PRKCQ: variants seen among roughly 807,000 people sequenced by gnomAD.
The protein encoded by PRKCQ is protein kinase C theta.
In PRKCQ, 41 loss-of-function variants were observed where a neutral mutation model predicts 91.2. That is an observed-to-expected ratio of 0.45 (90% CI 0.35 to 0.58). The LOEUF is 0.58. PRKCQ is among the 20% of genes least tolerant of loss of function. The probability of loss-of-function intolerance (pLI) is 0.00; values close to 1 mark genes in which losing one functional copy is unlikely to be tolerated. For synonymous variants in PRKCQ, 307 were observed against 316.9 expected, an observed-to-expected ratio of 0.97 and a Z score of 0.33; for missense variants, 673 against 896.5, an observed-to-expected ratio of 0.75 and a Z score of 3.18.
intron 15 of PRKCQ, among the ~76,000 whole-genome samples, chr10:6,443,875 T>G (rs1434990041): frequency 6.6e-6 from 1 of 152,140 alleles, no homozygotes; most frequent in Non-Finnish European, 1.5e-5. Context: ...TGCCCTTACT[T>G]TCAGTGACAA....
chr10:6,571,881 C>A (rs528493378), intron 1 of PRKCQ, among the ~76,000 whole-genome samples: 5 of 152,308 alleles, frequency 3.3e-5, no homozygotes, highest in African/African-American at 1.2e-4. Context: ...CTTCCCTAAA[C>A]AGCCACCTAA....
chr10:6,437,573 G>A (rs182399420), intron 16 of PRKCQ, among the ~76,000 whole-genome samples: 1 of 152,320 alleles, frequency 6.6e-6, no homozygotes, highest in East Asian at 1.9e-4. Flanking sequence ...TACAAATGTA[G>A]CAATTGTAAT....
intron 15 of PRKCQ, among the ~76,000 whole-genome samples, chr10:6,446,838 C>G (rs12267924): frequency 6.6e-6 from 1 of 152,150 alleles, no homozygotes; most frequent in Admixed American, 6.5e-5. Context: ...CAAGGAAACC[C>G]GGGAAAGCAG....
In PRKCQ at chr10:6,497,174, T is replaced by C. The variant is rs1837668942; in HGVS notation, c.574+46A>G. 1.2e-6 allele frequency: 2 copies of C among 1,614,002 alleles called. No homozygotes were observed. The highest frequency in any genetic ancestry group is 1.7e-6 in the Non-Finnish European group (2 of 1,179,890). ...AGATTTTCATAGCCTAAGGAATAAC[T>C]AAATAAAAAGAATGATGGTAATGCA... is the stretch of plus-strand genomic sequence containing the variant. On this transcript the variant is annotated intron_variant, in intron 6 of 17. Transcript: ENST00000263125. The surrounding 1 kb of genome is among the most constrained non-coding windows in gnomAD (Gnocchi z 4.5).
At chr10:6,472,529 G>T (rs1488830986) in intron 12 of PRKCQ, among the ~76,000 whole-genome samples, 1 of 152,190 alleles carries the variant, frequency 6.6e-6, no homozygotes, top group Non-Finnish European at 1.5e-5. Context: ...ACATTTAAAA[G>T]GTGTTAGAAT....
At chr10:6,448,487 C>A (rs34851049) in intron 15 of PRKCQ, among the ~76,000 whole-genome samples, 51,922 of 151,608 alleles carry the variant, frequency 0.34, 9,105 homozygotes, top group East Asian at 0.48. Flanking sequence ...CGGCTCACTG[C>A]AACCTCCGCC....
Position 6,437,948 on chromosome 10 carries a change from C to T in PRKCQ, c.1836+3945G>A, listed in dbSNP as rs577430754. Among the ~76,000 whole-genome samples the T allele has an allele frequency of 3.9e-5, 6 of 152,250 alleles. No individual in the cohort carries two copies. The East Asian group carries it at 5.8e-4, about 15-fold the overall frequency. On this transcript the variant is annotated intron_variant, in intron 16 of 17. Transcript: ENST00000263125. ...GATTACAGGCGTGAGCCACCGTGCC[C>T]GGCTCCCACTAACTTATTTTTACTG...
At chr10:6,506,371 T>C (rs761316536) in intron 4 of PRKCQ, among the ~76,000 whole-genome samples, 16 of 152,326 alleles carry the variant, frequency 1.1e-4, no homozygotes, top group South Asian at 2.1e-4. Context: ...CCCCATACCA[T>C]TGGATTATTT....
In PRKCQ at chr10:6,442,228, C is replaced by A. The variant is rs553918523; in HGVS notation, c.1648-147G>T. ...CCCTGAAACCCATCTCTTGGGAAGCCAATGACTGGAGAGCAGTGTCTAAAC... is the reference window on the plus strand; with the variant it reads ...CCCTGAAACCCATCTCTTGGGAAGCAAATGACTGGAGAGCAGTGTCTAAAC... On this transcript the variant is annotated intron_variant, in intron 15 of 17. Coordinates refer to ENST00000263125, the MANE Select transcript of PRKCQ (RefSeq NM_006257.5). The A allele has an allele frequency of 1.7e-5, 13 of 763,774 alleles. No individual in the cohort carries two copies. In the East Asian group the frequency reaches 3.4e-4, roughly 20 times the overall value. 47.3% of individuals were successfully genotyped at this position (763,774 alleles called of 1,614,324 possible).
At chr10:6,539,081 C>A (rs1263311033) in intron 1 of PRKCQ, among the ~76,000 whole-genome samples, 1 of 152,126 alleles carries the variant, frequency 6.6e-6, no homozygotes, top group African/African-American at 2.4e-5. Flanking sequence ...AATGACATGA[C>A]TAAGTATTAA....
the PRKCQ span, among the ~76,000 whole-genome samples, chr10:6,406,961 C>T: frequency 2.0e-5 from 3 of 152,192 alleles, no homozygotes; most frequent in African/African-American, 7.2e-5. Context: ...TGAACGAATG[C>T]ACTTCGAATA....
At position 6,427,457 on chromosome 10, in the gene PRKCQ, C is replaced by G. The variant is rs1001113407; in HGVS notation, c.*750G>C. ...ATGGCAGTGAGTGACTGTGCCAATA[C>G]TGGAGTCTGCTGAGAATGGGTGGAT... On this transcript the variant is annotated 3_prime_UTR_variant, in exon 18 of 18. Transcript: ENST00000263125. 1.3e-5 allele frequency: 2 copies of G among 152,254 alleles called. No homozygotes were observed. The highest frequency in any genetic ancestry group is 2.4e-5 in the African/African-American group (1 of 41,438). 9.4% of individuals were successfully genotyped at this position (152,254 alleles called of 1,614,324 possible).
At chr10:6,417,284 A>G in the PRKCQ span, among the ~76,000 whole-genome samples, 1 of 152,194 alleles carries the variant, frequency 6.6e-6, no homozygotes, top group Non-Finnish European at 1.5e-5. Flanking sequence ...AAATTTGAGT[A>G]GGCTTTGCTG....
At chr10:6,549,386 A>C (rs1840093390) in intron 1 of PRKCQ, among the ~76,000 whole-genome samples, 1 of 152,156 alleles carries the variant, frequency 6.6e-6, no homozygotes, top group Non-Finnish European at 1.5e-5. Context: ...GACTGGACTA[A>C]AGCAAGAAGT....
chr10:6,412,560 A>C, the PRKCQ span, among the ~76,000 whole-genome samples: 1 of 152,256 alleles, frequency 6.6e-6, no homozygotes, highest in Admixed American at 6.5e-5. Context: ...TCAATAGATC[A>C]TAACAGGTGA....
chr10:6,489,298 T>G, intron 8 of PRKCQ: 2 of 470,876 alleles, frequency 4.2e-6, no homozygotes, highest in South Asian at 3.1e-5. Context: ...CTTTGCTCCT[T>G]AAAACTGTAG....
chr10:6,533,495 C>A (rs188679296), intron 1 of PRKCQ, among the ~76,000 whole-genome samples: 1 of 152,286 alleles, frequency 6.6e-6, no homozygotes, highest in Admixed American at 6.5e-5. Context: ...CTGTGCCTGG[C>A]CTGGGTTCAC....
At chr10:6,541,322 A>T (rs1312745025) in intron 1 of PRKCQ, among the ~76,000 whole-genome samples, 1 of 152,212 alleles carries the variant, frequency 6.6e-6, no homozygotes, top group Non-Finnish European at 1.5e-5. Context: ...GATCATTTTG[A>T]TTCTGCATTC....
chr10:6,507,867 C>T (rs973459481), intron 3 of PRKCQ, among the ~76,000 whole-genome samples: 5 of 152,184 alleles, frequency 3.3e-5, no homozygotes, highest in Non-Finnish European at 5.9e-5. Context: ...GGACTGGCTT[C>T]CTTGGGGAAA....
Sources: allele counts gnomAD v4.1 joint callset (sites outside exome capture counted in the v4.1 genomes callset), GRCh38; gene constraint gnomAD v4.1.1; non-coding constraint Gnocchi (gnomAD v3.1); transcripts MANE v1.5; gene names NCBI Gene and HGNC (gene_info 2026-07-23, HGNC 2026-07-21).